The following DUSP22 variants were observed in gnomAD, a reference collection of about 807,000 sequenced individuals.
The protein encoded by DUSP22 is dual specificity protein phosphatase 22.
In DUSP22, 24 loss-of-function variants were observed where a neutral mutation model predicts 24.5. The observed-to-expected ratio is 0.98, with a 90% CI of 0.71 to 1.38. The LOEUF (loss-of-function observed/expected upper bound fraction) is 1.38, where lower values mean the gene tolerates loss of function less well. DUSP22 is among the 40% of genes most tolerant of loss of function. The pLI, the probability that DUSP22 is intolerant of heterozygous loss-of-function variation, is 0.00. For synonymous variants in DUSP22, 160 were observed against 106.4 expected (o/e 1.50, Z -3.10); for missense variants, 330 against 269.2 (o/e 1.23, Z -1.58).
intron 3 of DUSP22, among the ~76,000 whole-genome samples, chr6:333,390 G>T (rs917058807): frequency 3.9e-5 from 6 of 152,424 alleles, no homozygotes; most frequent in East Asian, 1.9e-4. Context: ...TTATTGGAAG[G>T]TGTAAAGATT....
chr6:303,103 A>G (rs1338183419), intron 1 of DUSP22, among the ~76,000 whole-genome samples: 2 of 152,302 alleles, frequency 1.3e-5, no homozygotes, highest in Non-Finnish European at 2.9e-5. Flanking sequence ...GATGCTCTCT[A>G]GTGTCTACTG....
chr6:322,099 CATCTACATAGTGTATACAT>C (rs1196623122), intron 3 of DUSP22, among the ~76,000 whole-genome samples: 2,656 of 150,678 alleles, frequency 0.018, 2 homozygotes, highest in African/African-American at 0.052. Context: ...GTACACATAT[CATCTACATAGTGTATACAT>C]ATCTACATAG....
chr6:350,338 TC>T lies in DUSP22; in HGVS notation c.*1388del. The T allele has an allele frequency of 9.8e-7, 1 of 1,016,624 alleles. No homozygotes were observed. Among genetic ancestry groups the T allele is most frequent in the Non-Finnish European group, 1.2e-6 (1 of 849,506 alleles). The allele number at this position is 1,016,624 out of a possible 1,614,324, so 63.0% of individuals were successfully genotyped here. A position where few individuals can be genotyped will look rare whatever the true frequency, so the allele number is the denominator to read the frequency against. ...GGCATCCTGGGACGCTGTACGCAAT[TC>T]AGTGGTCTAGTCCTTTATACCGACT... On this transcript the variant is annotated 3_prime_UTR_variant, in exon 7 of 7. Transcript: ENST00000419235.
intron 3 of DUSP22, among the ~76,000 whole-genome samples, chr6:329,181 C>T (rs563365036): frequency 2.5e-4 from 38 of 152,422 alleles, no homozygotes; most frequent in Middle Eastern, 6.8e-3. Flanking sequence ...ATTGCCATCT[C>T]CTGGGTCTAC....
At chr6:307,604 G>A (rs1757868275) in intron 2 of DUSP22, among the ~76,000 whole-genome samples, 1 of 152,306 alleles carries the variant, frequency 6.6e-6, no homozygotes, top group African/African-American at 2.4e-5. Flanking sequence ...GGGAGTGGAA[G>A]CCAGAGAGAG....
intron 3 of DUSP22, among the ~76,000 whole-genome samples, chr6:334,216 G>C (rs1235234617): frequency 1.3e-5 from 2 of 152,300 alleles, no homozygotes; most frequent in Non-Finnish European, 2.9e-5. Context: ...AACATTGTCT[G>C]TGACACGGTG....
At position 350,339 on chromosome 6, in the gene DUSP22, C is replaced by G; in HGVS notation, c.*1388C>G. The G allele has an allele frequency of 9.8e-7, 1 of 1,016,506 alleles. No homozygotes were observed. The highest frequency in any genetic ancestry group is 1.2e-6 in the Non-Finnish European group (1 of 849,454). 63.0% of individuals were successfully genotyped at this position (1,016,506 alleles called of 1,614,324 possible). A position where few individuals can be genotyped will look rare whatever the true frequency, so the allele number is the denominator to read the frequency against. On this transcript the variant is annotated 3_prime_UTR_variant, in exon 7 of 7. Coordinates refer to ENST00000419235, the MANE Select transcript of DUSP22 (RefSeq NM_001286555.3). The stretch of plus-strand genomic sequence containing the variant: ...GCATCCTGGGACGCTGTACGCAATT[C>G]AGTGGTCTAGTCCTTTATACCGACT...
At chr6:312,122 G>GCTGT in intron 3 of DUSP22, among the ~76,000 whole-genome samples, 160 bp downstream of exon 3, 1 of 152,300 alleles carries the variant, frequency 6.6e-6, no homozygotes, top group East Asian at 1.9e-4. Context: ...ATGTTAACAC[G>GCTGT]CTGTCTGTAG....
chr6:348,047 G>A (rs1264965032), intron 5 of DUSP22, 56 bp from the exon 6 acceptor site: 29 of 1,603,064 alleles, frequency 1.8e-5, no homozygotes, highest in African/African-American at 5.3e-5. Flanking sequence ...TGGATTGGGC[G>A]ATGAACCCGG....
rs1757397185 is a variant in DUSP22, at chr6:297,587, T to A, written c.21+5027T>A. ...AACATCTCAGATCTTCACCCAATAG[T>A]TGCCAGTAGCACCTCCCCACCTGTG... On this transcript the variant is annotated intron_variant, in intron 1 of 6. Coordinates refer to ENST00000419235, the MANE Select transcript of DUSP22 (RefSeq NM_001286555.3). 3.3e-5 allele frequency among the ~76,000 whole-genome samples: 5 copies of A among 152,424 alleles called. No homozygotes were observed. The South Asian group carries it at 1.0e-3, about 32-fold the overall frequency.
intron 1 of DUSP22, among the ~76,000 whole-genome samples, chr6:301,754 C>T (rs917534882): frequency 3.9e-5 from 6 of 152,278 alleles, no homozygotes; most frequent in African/African-American, 1.4e-4. Flanking sequence ...GAAGGTGGCA[C>T]CATCAGGGGC....
intron 1 of DUSP22, among the ~76,000 whole-genome samples, chr6:301,995 G>A (rs1194282655): frequency 6.6e-6 from 1 of 152,304 alleles, no homozygotes. Context: ...AAGCAAAAAT[G>A]GGCCATAATC....
chr6:304,213 C>G (rs980402756), intron 1 of DUSP22, among the ~76,000 whole-genome samples: 5 of 152,308 alleles, frequency 3.3e-5, no homozygotes, highest in Admixed American at 2.6e-4. Flanking sequence ...ACTTGGGGCT[C>G]AGGACTGGCC....
At chr6:306,887 G>A (rs1179407711) in intron 2 of DUSP22, among the ~76,000 whole-genome samples, 1 of 152,302 alleles carries the variant, frequency 6.6e-6, no homozygotes, top group Non-Finnish European at 1.5e-5. Flanking sequence ...CTGGGAAGAT[G>A]GAGTCTGTCT....
chr6:341,510 G>A (rs113948037), intron 4 of DUSP22, among the ~76,000 whole-genome samples: 2,342 of 151,584 alleles, frequency 0.015, 1 homozygote, highest in African/African-American at 0.055. Flanking sequence ...GTGGCAGTGC[G>A]CTCGCCTGCC....
intron 3 of DUSP22, among the ~76,000 whole-genome samples, chr6:322,575 G>A (rs1177270109): frequency 2.6e-5 from 4 of 152,310 alleles, no homozygotes; most frequent in East Asian, 3.8e-4. Flanking sequence ...GACGTGAATA[G>A]CAAGTCTGAA....
At position 305,477 on chromosome 6, in the gene DUSP22, C is replaced by G. The variant is rs561473126; in HGVS notation, c.55+816C>G. ...TCAGAAGCCTGTTCTTTTTAAGTCACCTGGGAAACAAGAGTGACAATTTCA... is the reference window on the plus strand; with the variant it reads ...TCAGAAGCCTGTTCTTTTTAAGTCAGCTGGGAAACAAGAGTGACAATTTCA... On this transcript the variant is annotated intron_variant, in intron 2 of 6. Transcript: ENST00000419235. Among the ~76,000 whole-genome samples the G allele has an allele frequency of 7.4e-3, 1,123 of 152,036 alleles. 1 individual carries two copies. Among genetic ancestry groups the G allele is most frequent in the Non-Finnish European group, 0.011 (766 of 67,830 alleles).
chr6:312,015 A>T, intron 3 of DUSP22, 53 bp downstream of exon 3: 1 of 1,576,486 alleles, frequency 6.3e-7, no homozygotes, highest in Admixed American at 1.8e-5. Context: ...ATTCCGTGGG[A>T]GTACCTACGA....
chr6:342,974 C>T (rs1285956175), intron 4 of DUSP22, among the ~76,000 whole-genome samples: 1 of 152,304 alleles, frequency 6.6e-6, no homozygotes, highest in African/African-American at 2.4e-5. Flanking sequence ...GAGCTCCCAG[C>T]TGGCTACCCA....
Sources: allele counts gnomAD v4.1 joint callset (sites outside exome capture counted in the v4.1 genomes callset), GRCh38; gene constraint gnomAD v4.1.1; transcripts MANE v1.5; gene names NCBI Gene and HGNC (gene_info 2026-07-23, HGNC 2026-07-21).